Variants in UBE3C observed in about 807,000 individuals in gnomAD.
UBE3C encodes the protein ubiquitin protein ligase E3C.
In UBE3C, 42 loss-of-function variants were observed where a neutral mutation model predicts 129.4. The ratio of observed to expected loss-of-function variants is 0.32; its 90% confidence interval spans 0.25 to 0.42. The LOEUF (loss-of-function observed/expected upper bound fraction) is 0.42. Among genes scored for constraint, UBE3C ranks in the 10% least tolerant of loss-of-function variants. The pLI, the probability that UBE3C is intolerant of heterozygous loss-of-function variation, is 1.00. For synonymous variants in UBE3C, 510 were observed against 492.4 expected (o/e 1.04, Z -0.47); for missense variants, 1,049 against 1,319.1 (o/e 0.80, Z 3.17).
intron 22 of UBE3C, among the ~76,000 whole-genome samples, chr7:157,264,939 A>G (rs554438100): frequency 8.3e-4 from 126 of 152,214 alleles, no homozygotes; most frequent in African/African-American, 3.0e-3. Context: ...TTTTCACTCA[A>G]CATTACATCA....
chr7:157,265,395 G>A (rs935845927), intron 22 of UBE3C, among the ~76,000 whole-genome samples: 11 of 152,216 alleles, frequency 7.2e-5, no homozygotes, highest in African/African-American at 1.7e-4. Flanking sequence ...TACGAGGAAG[G>A]TGGAGTCACC....
intron 1 of UBE3C, among the ~76,000 whole-genome samples, chr7:157,147,392 T>C (rs1807635571): frequency 6.6e-6 from 1 of 152,254 alleles, no homozygotes; most frequent in Non-Finnish European, 1.5e-5. Context: ...GAAATCTTGC[T>C]ATAATCACTT....
At position 157,245,906 on chromosome 7, in the gene UBE3C, G is replaced by C. The variant is rs78946200; in HGVS notation, c.2482-2462G>C. ...CTCAGGAAACTGAGACAGGAGAATC[G>C]CTTGAACTCGGGAGGCGGAGGCTGC... On this transcript the variant is annotated intron_variant, in intron 18 of 22. Coordinates refer to ENST00000348165, the MANE Select transcript of UBE3C (RefSeq NM_014671.3). Among the ~76,000 whole-genome samples the C allele has an allele frequency of 5.0e-3, 727 of 144,906 alleles. 4 individuals carry two copies. Among genetic ancestry groups the C allele is most frequent in the African/African-American group, 0.017 (698 of 40,178 alleles).
chr7:157,233,279 A>G (rs1249346519), intron 18 of UBE3C, among the ~76,000 whole-genome samples: 1 of 152,180 alleles, frequency 6.6e-6, no homozygotes, highest in Non-Finnish European at 1.5e-5. Flanking sequence ...GTATGGATAT[A>G]CCACACTTTG....
At chr7:157,139,410 G>A (rs1421273728) in intron 1 of UBE3C, 72 bp downstream of exon 1, 2 of 1,421,498 alleles carry the variant, frequency 1.4e-6, no homozygotes, top group African/African-American at 1.5e-5. Flanking sequence ...GGGACTCGGG[G>A]CTGGACTCGG....
intron 11 of UBE3C, among the ~76,000 whole-genome samples, chr7:157,205,422 T>A (rs985467302): frequency 3.9e-5 from 6 of 152,206 alleles, no homozygotes; most frequent in Non-Finnish European, 8.8e-5. Context: ...TGATGATTCT[T>A]GTCAGGGATA....
intron 19 of UBE3C, among the ~76,000 whole-genome samples, chr7:157,250,287 C>T (rs1329461179): frequency 1.3e-5 from 2 of 152,054 alleles, no homozygotes; most frequent in Non-Finnish European, 2.9e-5. Flanking sequence ...GATGGCATCT[C>T]GGTTCACTGC....
chr7:157,266,456 C>T (rs1265559792), intron 22 of UBE3C, among the ~76,000 whole-genome samples: 3 of 152,126 alleles, frequency 2.0e-5, no homozygotes, highest in Non-Finnish European at 4.4e-5. Flanking sequence ...CGTATGCTTC[C>T]CATTCCCTTA....
At chr7:157,195,389 T>G (rs1312129571) in intron 10 of UBE3C, among the ~76,000 whole-genome samples, 1 of 152,180 alleles carries the variant, frequency 6.6e-6, no homozygotes, top group Admixed American at 6.5e-5. Context: ...GCTGCAAACA[T>G]GTGCTACCTT....
At position 157,198,261 on chromosome 7, in the gene UBE3C, G is replaced by A. The variant is rs1249836450; in HGVS notation, c.1332-3460G>A. On this transcript the variant is annotated intron_variant, in intron 10 of 22. Transcript: ENST00000348165. ...GTATCCTCCACCTGTAAATGACATT[G>A]AGGTGGTGTCCGTGGGCTCTTGAAG... The A allele has an allele frequency of 6.0e-6, 7 of 1,170,264 alleles. No homozygotes were observed. The Admixed American group carries it at 1.0e-4, about 17-fold the overall frequency. 72.5% of individuals were successfully genotyped at this position (1,170,264 alleles called of 1,614,324 possible). A position where few individuals can be genotyped will look rare whatever the true frequency, so the allele number is the denominator to read the frequency against.
intron 1 of UBE3C, among the ~76,000 whole-genome samples, chr7:157,152,962 G>GA (rs1400333588): frequency 2.0e-5 from 3 of 152,174 alleles, no homozygotes; most frequent in Non-Finnish European, 4.4e-5. Flanking sequence ...TTGGGAGGCT[G>GA]AGGGGGGTGG....
At chr7:157,180,253 G>T (rs1411076015) in intron 6 of UBE3C, among the ~76,000 whole-genome samples, 1 of 152,148 alleles carries the variant, frequency 6.6e-6, no homozygotes, top group Admixed American at 6.5e-5. Flanking sequence ...TTTAACATTT[G>T]CAACAGAACC....
chr7:157,253,404 T>C (rs1796667626), intron 19 of UBE3C, among the ~76,000 whole-genome samples: 1 of 152,254 alleles, frequency 6.6e-6, no homozygotes, highest in Non-Finnish European at 1.5e-5. Context: ...TCTTACTCAC[T>C]CTGTTTATAT....
chr7:157,232,084 A>T (rs1326450946), intron 18 of UBE3C, among the ~76,000 whole-genome samples: 3 of 151,850 alleles, frequency 2.0e-5, no homozygotes, highest in Non-Finnish European at 4.4e-5. Flanking sequence ...TGGCTTGTAG[A>T]TTCATCATTT....
At chr7:157,171,686 ATTTTTTTTTTTTTTTTTTTTTTTTTTT>A (rs77471740) in intron 4 of UBE3C, among the ~76,000 whole-genome samples, 6 of 37,636 alleles carry the variant, frequency 1.6e-4, no homozygotes, top group Non-Finnish European at 2.6e-4. Flanking sequence ...ATATATATAT[ATTTTTTTTTTTTTTTTTTTTTTTTTTT>A]TTTTTTTTTT....
intron 10 of UBE3C, chr7:157,192,510 A>G (rs1808996828): frequency 5.3e-6 from 4 of 760,834 alleles, no homozygotes; most frequent in South Asian, 1.3e-5. Flanking sequence ...TTTGCTGGCA[A>G]GCAACTGGAA....
At chr7:157,160,691 A>G (rs1360255758) in intron 1 of UBE3C, among the ~76,000 whole-genome samples, 1 of 152,104 alleles carries the variant, frequency 6.6e-6, no homozygotes, top group Non-Finnish European at 1.5e-5. Context: ...ATATCTTGAG[A>G]GATACTTTGA....
intron 10 of UBE3C, chr7:157,192,356 G>A (rs376423476): frequency 1.3e-5 from 8 of 632,692 alleles, no homozygotes; most frequent in East Asian, 3.2e-5. Flanking sequence ...CTGCGGTGGA[G>A]CCGCCACCAA....
At chr7:157,147,300 G>T (rs1296033916) in intron 1 of UBE3C, among the ~76,000 whole-genome samples, 1 of 152,134 alleles carries the variant, frequency 6.6e-6, no homozygotes, top group Non-Finnish European at 1.5e-5. Context: ...AATGTGAATG[G>T]TATTGTGTTT....
Sources: gnomAD v4.1 joint callset for allele counts (sites outside exome capture counted in the v4.1 genomes callset) on GRCh38, gnomAD v4.1.1 for gene constraint, MANE v1.5 for transcripts, NCBI Gene and HGNC (gene_info 2026-07-23, HGNC 2026-07-21) for gene names.